The following TCF7L2 variants were observed in gnomAD, a reference collection of about 807,000 sequenced individuals.
TCF7L2 encodes transcription factor 7-like 2.
In TCF7L2, 23 loss-of-function variants were observed where a neutral mutation model predicts 77.9. The observed-to-expected ratio is 0.30, with a 90% CI of 0.21 to 0.42. The LOEUF is 0.42. Among genes scored for constraint, TCF7L2 ranks in the 10% least tolerant of loss-of-function variants. The pLI, the probability that TCF7L2 is intolerant of heterozygous loss-of-function variation, is 1.00. For missense variants in TCF7L2, 654 were observed against 793.1 expected (o/e 0.82, Z 2.11); for synonymous variants, 413 against 340.2 (o/e 1.21, Z -2.36).
chr10:113,108,285 C>A (rs921702753), intron 5 of TCF7L2, among the ~76,000 whole-genome samples: 1 of 152,204 alleles, frequency 6.6e-6, no homozygotes, highest in Non-Finnish European at 1.5e-5. Flanking sequence ...TCTGCTCCGC[C>A]TGAGGTGAAG....
At chr10:113,112,938 T>G (rs2136127835) in intron 5 of TCF7L2, among the ~76,000 whole-genome samples, 1 of 152,224 alleles carries the variant, frequency 6.6e-6, no homozygotes, top group African/African-American at 2.4e-5. Context: ...TTCTGGTGGG[T>G]TTCTATTTGT....
chr10:113,129,531 T>C (rs1405718299), intron 5 of TCF7L2: 2 of 1,014,286 alleles, frequency 2.0e-6, no homozygotes, highest in Non-Finnish European at 1.2e-6. Flanking sequence ...CCAGCTGAAC[T>C]CTAGATTATT....
At chr10:112,977,313 T>G (rs1165394258) in intron 4 of TCF7L2, among the ~76,000 whole-genome samples, 2 of 152,222 alleles carry the variant, frequency 1.3e-5, no homozygotes, top group Non-Finnish European at 2.9e-5. Context: ...TTGGTGAGGC[T>G]GCCCTGTAGG....
intron 5 of TCF7L2, among the ~76,000 whole-genome samples, chr10:113,046,350 GCTAT>G (rs972091664): frequency 1.3e-5 from 2 of 152,100 alleles, no homozygotes; most frequent in African/African-American, 4.8e-5. Context: ...CTGTTTGGTA[GCTAT>G]CTGTTTCCCC....
intron 5 of TCF7L2, among the ~76,000 whole-genome samples, chr10:113,090,531 G>C (rs2060268918): frequency 6.6e-6 from 1 of 152,186 alleles, no homozygotes; most frequent in Admixed American, 6.5e-5. Flanking sequence ...AGGAAGTGAT[G>C]AATAGCCACA....
intron 6 of TCF7L2, among the ~76,000 whole-genome samples, chr10:113,143,400 A>G (rs937758288): frequency 2.0e-5 from 3 of 152,260 alleles, no homozygotes; most frequent in Non-Finnish European, 4.4e-5. Flanking sequence ...CAGCTCATCC[A>G]AATAGAGGCA....
chr10:113,081,700 C>G (rs981281427), intron 5 of TCF7L2, among the ~76,000 whole-genome samples: 5 of 152,186 alleles, frequency 3.3e-5, no homozygotes, highest in African/African-American at 1.2e-4. Context: ...CACATTGAAC[C>G]TCATCCCTGT....
At chr10:113,053,022 A>C (rs776173346) in intron 5 of TCF7L2, among the ~76,000 whole-genome samples, 1 of 152,166 alleles carries the variant, frequency 6.6e-6, no homozygotes, top group South Asian at 2.1e-4. Context: ...CTTCTTCCTG[A>C]TTCATCTGCT....
chr10:113,027,252 C>T (rs1043695948), intron 4 of TCF7L2, among the ~76,000 whole-genome samples: 1 of 152,098 alleles, frequency 6.6e-6, no homozygotes, highest in Non-Finnish European at 1.5e-5. Context: ...AGTTCCTCAA[C>T]TGCTTATTTC....
intron 11 of TCF7L2, 69 bp downstream of exon 11, chr10:113,152,509 A>G: frequency 7.5e-7 from 1 of 1,338,778 alleles, no homozygotes; most frequent in Non-Finnish European, 1.0e-6. Flanking sequence ...GGACAAAGAG[A>G]ACAGGACCTG....
At chr10:113,126,907 C>T (rs1020211755) in intron 5 of TCF7L2, 41 of 985,262 alleles carry the variant, frequency 4.2e-5, no homozygotes, top group Non-Finnish European at 4.8e-5. Context: ...GGCGGGCGGG[C>T]GGGCAGGGGT....
At chr10:113,064,943 T>C (rs1024729260) in intron 5 of TCF7L2, among the ~76,000 whole-genome samples, 9 of 152,252 alleles carry the variant, frequency 5.9e-5, no homozygotes, top group African/African-American at 2.2e-4. Context: ...TTGTCACCTC[T>C]AATGACCATT....
intron 5 of TCF7L2, among the ~76,000 whole-genome samples, chr10:113,086,871 T>C (rs2059894469): frequency 6.6e-6 from 1 of 152,072 alleles, no homozygotes; most frequent in African/African-American, 2.4e-5. Context: ...AAATTGGAAG[T>C]CATTTATTAA....
intron 3 of TCF7L2, among the ~76,000 whole-genome samples, chr10:112,963,042 C>G (rs1304592446): frequency 6.6e-6 from 1 of 152,052 alleles, no homozygotes; most frequent in Non-Finnish European, 1.5e-5. Context: ...CATTGTGTCT[C>G]CTTTTAATTT....
In TCF7L2 at chr10:113,165,828, C is replaced by T. The variant is rs2074012299; in HGVS notation, c.1665C>T (p.Ala555=). Residue 555 remains alanine, a synonymous_variant, in exon 14 of 14, where the codon GCC becomes GCT. Coordinates refer to ENST00000627217, the MANE Select transcript of TCF7L2 (RefSeq NM_001146274.2). ...CCTCCGCCCTCTGTCCCAACGGGGC[C>T]CTGGACCTGCCCCCAGCCGCTTTGC... is the stretch of plus-strand genomic sequence containing the variant. The T allele has an allele frequency of 6.2e-7, 1 of 1,606,708 alleles. No individual in the cohort carries two copies. Among genetic ancestry groups the T allele is most frequent in the Non-Finnish European group, 8.5e-7 (1 of 1,175,650 alleles).
At chr10:112,984,946 G>T (rs1564745111) in intron 4 of TCF7L2, among the ~76,000 whole-genome samples, 1 of 152,158 alleles carries the variant, frequency 6.6e-6, no homozygotes, top group Non-Finnish European at 1.5e-5. Context: ...TGGCACTGAA[G>T]TCAGACGTAG....
At chr10:112,983,459 A>C (rs1466751272) in intron 4 of TCF7L2, among the ~76,000 whole-genome samples, 1 of 152,190 alleles carries the variant, frequency 6.6e-6, no homozygotes, top group Admixed American at 6.5e-5. Flanking sequence ...TGGGCGACAG[A>C]GCGAGACTCT....
intron 8 of TCF7L2, 122 bp downstream of exon 8, chr10:113,146,219 A>G (rs368064863): frequency 1.1e-5 from 10 of 895,432 alleles, no homozygotes; most frequent in African/African-American, 8.2e-5. Flanking sequence ...TGTAAAGCCA[A>G]TGTGGCATTA....
chr10:112,958,296 T>C (rs895089817), intron 3 of TCF7L2, among the ~76,000 whole-genome samples: 1 of 152,198 alleles, frequency 6.6e-6, no homozygotes, highest in African/African-American at 2.4e-5. Flanking sequence ...GGAGTTAAAA[T>C]TGCTCCCTAA....
Sources: gnomAD v4.1 joint callset for allele counts (sites outside exome capture counted in the v4.1 genomes callset) on GRCh38, gnomAD v4.1.1 for gene constraint, MANE v1.5 for transcripts, NCBI Gene and HGNC (gene_info 2026-07-23, HGNC 2026-07-21) for gene names.